ARHGAP22: variants seen among roughly 807,000 people sequenced by gnomAD.
The protein encoded by ARHGAP22 is Rho GTPase activating protein 22.
In ARHGAP22, 48 loss-of-function variants were observed where a neutral mutation model predicts 59.1. That is an observed-to-expected ratio of 0.81 (90% CI 0.64 to 1.03). The LOEUF (loss-of-function observed/expected upper bound fraction) is 1.03. Among genes scored for constraint, ARHGAP22 ranks in the 50% least tolerant of loss-of-function variants. ARHGAP22 has a pLI of 0.00. For synonymous variants in ARHGAP22, 445 were observed against 416.4 expected (o/e 1.07, Z -0.84); for missense variants, 1,015 against 958.7 (o/e 1.06, Z -0.78).
chr10:48,524,084 C>A, intron 3 of ARHGAP22: 1 of 1,469,820 alleles, frequency 6.8e-7, no homozygotes, highest in Non-Finnish European at 9.0e-7. Flanking sequence ...CCCTCCAGTC[C>A]TTGCAGCAGC....
chr10:48,650,389 A>G, intron 1 of ARHGAP22, among the ~76,000 whole-genome samples: 1 of 152,172 alleles, frequency 6.6e-6, no homozygotes, highest in East Asian at 1.9e-4. Flanking sequence ...TGGAAAATCC[A>G]TGGAGGCAGA....
chr10:48,468,854 C>G (rs1396307510), intron 4 of ARHGAP22, among the ~76,000 whole-genome samples: 1 of 152,162 alleles, frequency 6.6e-6, no homozygotes, highest in African/African-American at 2.4e-5. Flanking sequence ...TGTTTTCTCC[C>G]TCCCCAGAGC....
At chr10:48,493,383 C>T (rs2050602053) in intron 3 of ARHGAP22, 2 of 1,487,804 alleles carry the variant, frequency 1.3e-6, no homozygotes, top group Non-Finnish European at 1.8e-6. Flanking sequence ...AATCGCCCTC[C>T]CCAGTCTCCC....
intron 1 of ARHGAP22, among the ~76,000 whole-genome samples, chr10:48,626,084 A>C (rs1230699082): frequency 1.3e-5 from 2 of 152,180 alleles, no homozygotes; most frequent in Non-Finnish European, 2.9e-5. Flanking sequence ...ATGTGGTCCC[A>C]TCAACCCCAT....
chr10:48,435,057 G>GGT, the ARHGAP22 span: 1 of 421,622 alleles, frequency 2.4e-6, no homozygotes, highest in Non-Finnish European at 4.7e-6. Flanking sequence ...GGGTGGGAGG[G>GGT]ATGGGGAGTC....
chr10:48,450,667 T>A lies in ARHGAP22; in HGVS notation c.1462A>T (p.Arg488Ter). 6.4e-7 allele frequency: 1 copy of A among 1,550,460 alleles called. No homozygotes were observed. The highest frequency in any genetic ancestry group is 8.7e-7 in the Non-Finnish European group (1 of 1,147,104). The change falls in exon 9 of 10, where the codon AGA becomes TGA. Residue 488 changes from arginine (R) to a stop codon, truncating the protein, a stop_gained. Transcript: ENST00000249601. LOFTEE classifies it high-confidence loss of function. ...GGCACATTGTCGTAGGTGGAGAGTC[T>A]CTGCACGGAGCCCGAGTCCTTGAGC... ...DRLKDSGSVQ[R>*]LSTYDNVPAP...
At chr10:48,597,408 G>A (rs910069759) in intron 1 of ARHGAP22, among the ~76,000 whole-genome samples, 1 of 152,074 alleles carries the variant, frequency 6.6e-6, no homozygotes, top group Non-Finnish European at 1.5e-5. Flanking sequence ...AAGTGAAACT[G>A]TAGCTTAGCA....
chr10:48,627,124 T>G (rs1236237625), intron 1 of ARHGAP22, among the ~76,000 whole-genome samples: 1 of 152,236 alleles, frequency 6.6e-6, no homozygotes, highest in Non-Finnish European at 1.5e-5. Context: ...GGAAGCTCCA[T>G]GCCCCTCCCT....
At chr10:48,449,205 T>C (rs1311976155) in intron 9 of ARHGAP22, among the ~76,000 whole-genome samples, 1 of 152,238 alleles carries the variant, frequency 6.6e-6, no homozygotes, top group Non-Finnish European at 1.5e-5. Context: ...TCTTCTACTA[T>C]ATTTCTGGAG....
intron 2 of ARHGAP22, among the ~76,000 whole-genome samples, chr10:48,562,473 C>T (rs1384855617): frequency 6.6e-6 from 1 of 152,188 alleles, no homozygotes; most frequent in Non-Finnish European, 1.5e-5. Context: ...TGAATGAACT[C>T]TTAATGCACG....
chr10:48,519,778 A>G (rs2053634064), intron 3 of ARHGAP22, among the ~76,000 whole-genome samples: 1 of 152,194 alleles, frequency 6.6e-6, no homozygotes, highest in South Asian at 2.1e-4. Context: ...GTGGTGCGGA[A>G]ACCAGAGAGG....
chr10:48,627,168 T>C (rs1358796431), intron 1 of ARHGAP22, among the ~76,000 whole-genome samples: 1 of 152,230 alleles, frequency 6.6e-6, no homozygotes, highest in African/African-American at 2.4e-5. Context: ...TGCAGCAGGC[T>C]GTCCTGAGTT....
chr10:48,615,488 C>A (rs758991902), intron 1 of ARHGAP22, among the ~76,000 whole-genome samples: 1 of 152,146 alleles, frequency 6.6e-6, no homozygotes, highest in Non-Finnish European at 1.5e-5. Context: ...AAGAGAAAAT[C>A]TTATTTCCAG....
At position 48,490,050 on chromosome 10, in the gene ARHGAP22, A is replaced by G. The variant is rs1186746662; in HGVS notation, c.323-10286T>C. On this transcript the variant is annotated intron_variant, in intron 3 of 9. Transcript: ENST00000249601. Reference sequence around the variant, plus strand: ...GCCCGGCCCAGAGGCTCTCTTAAACAGTGCTTAGGGTCCAACGTCTATGGG... The same window carrying G: ...GCCCGGCCCAGAGGCTCTCTTAAACGGTGCTTAGGGTCCAACGTCTATGGG... 2.6e-5 allele frequency among the ~76,000 whole-genome samples: 4 copies of G among 152,218 alleles called. No homozygotes were observed. The East Asian group carries it at 5.8e-4, about 22-fold the overall frequency.
Position 48,647,153 on chromosome 10 carries a change from G to A in ARHGAP22, c.52+5081C>T, listed in dbSNP as rs528018060. 3.9e-5 allele frequency among the ~76,000 whole-genome samples: 6 copies of A among 152,214 alleles called. No homozygotes were observed. In the East Asian group the frequency reaches 5.8e-4, roughly 15 times the overall value. Reference sequence around the variant, plus strand: ...TTACACTTGTAATCCCAACACTTTCGCAGGCTGAGAGGGGTGGATCACCTA... The same window carrying A: ...TTACACTTGTAATCCCAACACTTTCACAGGCTGAGAGGGGTGGATCACCTA... On this transcript the variant is annotated intron_variant, in intron 1 of 9. Coordinates refer to the ARHGAP22 transcript ENST00000435790.
intron 1 of ARHGAP22, among the ~76,000 whole-genome samples, chr10:48,649,662 C>A (rs992032251): frequency 3.9e-5 from 6 of 152,164 alleles, no homozygotes; most frequent in African/African-American, 1.4e-4. Context: ...AGAAAAGAGG[C>A]TGCAGCTAGT....
At chr10:48,464,356 G>C (rs1279899426) in intron 4 of ARHGAP22, among the ~76,000 whole-genome samples, 5 of 152,148 alleles carry the variant, frequency 3.3e-5, no homozygotes, top group Admixed American at 1.3e-4. Context: ...CTACCCTTCT[G>C]CTCCCCCATG....
At chr10:48,534,498 G>C (rs1166421136) in intron 3 of ARHGAP22, among the ~76,000 whole-genome samples, 2 of 152,210 alleles carry the variant, frequency 1.3e-5, no homozygotes, top group Non-Finnish European at 2.9e-5. Context: ...TCCCAAAGGG[G>C]ACAGGTACTT....
chr10:48,541,583 C>T (rs1192229024), intron 3 of ARHGAP22, among the ~76,000 whole-genome samples: 1 of 152,184 alleles, frequency 6.6e-6, no homozygotes, highest in Non-Finnish European at 1.5e-5. Context: ...CATCCTGGAG[C>T]CCCCAAAGGC....
Sources: allele counts gnomAD v4.1 joint callset (sites outside exome capture counted in the v4.1 genomes callset), GRCh38; gene constraint gnomAD v4.1.1; transcripts MANE v1.5; gene names NCBI Gene and HGNC (gene_info 2026-07-23, HGNC 2026-07-21).